Variants in SEPTIN5 observed in about 807,000 individuals in gnomAD.
SEPTIN5 encodes septin 5.
In SEPTIN5, 16 loss-of-function variants were observed where a neutral mutation model predicts 51.2. That is an observed-to-expected ratio of 0.31 (90% CI 0.21 to 0.47). The LOEUF is 0.47. SEPTIN5 is among the 20% of genes least tolerant of loss of function. SEPTIN5 has a pLI of 0.99. For synonymous variants in SEPTIN5, 208 were observed against 191.2 expected, an observed-to-expected ratio of 1.09 and a Z score of -0.72; for missense variants, 376 against 500.3, an observed-to-expected ratio of 0.75 and a Z score of 2.37.
At chr22:19,719,783 T>C in intron 3 of SEPTIN5, 23 bp from the exon 4 acceptor site, 3 of 1,612,720 alleles carry the variant, frequency 1.9e-6, no homozygotes, top group Non-Finnish European at 1.7e-6. Context: ...CTAACGCAGC[T>C]CCTTCTCTGT....
In SEPTIN5 at chr22:19,714,661, G is replaced by GTGCC. The variant is rs1390707043; in HGVS notation, c.43+30_43+31insTGCC. On this transcript the variant is annotated intron_variant, in intron 1 of 11. Transcript: ENST00000455784. The surrounding 1 kb of genome is among the most constrained non-coding windows in gnomAD (Gnocchi z 5.2). ...GCCCAGCGCCTGCCCGCGTGCCCGC[G>GTGCC]CGCGCCTTTGTCCCCGCCGCCCGCG... The GTGCC allele has an allele frequency of 2.5e-5, 38 of 1,512,276 alleles. No individual in the cohort carries two copies. In the Admixed American group the frequency reaches 3.5e-4, roughly 14 times the overall value. 93.7% of individuals were successfully genotyped at this position (1,512,276 alleles called of 1,614,324 possible). A position where few individuals can be genotyped will look rare whatever the true frequency, so the allele number is the denominator to read the frequency against.
At chr22:19,720,020 C>G (rs1161620438) in intron 4 of SEPTIN5, 95 bp from the exon 5 acceptor site, 3 of 1,604,332 alleles carry the variant, frequency 1.9e-6, no homozygotes, top group Middle Eastern at 2.0e-4. Flanking sequence ...GGGGGTAGGG[C>G]CAAGGCACCA....
intron 11 of SEPTIN5, 24 bp from the exon 12 acceptor site, chr22:19,722,404 C>A (rs1232768293): frequency 6.3e-7 from 1 of 1,595,384 alleles, no homozygotes; most frequent in South Asian, 1.1e-5. Context: ...TGCTGCTCAC[C>A]CGCCGGGTTG....
At chr22:19,719,947 C>G (rs1568996715) in intron 4 of SEPTIN5, 55 bp downstream of exon 4, 1 of 1,599,242 alleles carries the variant, frequency 6.3e-7, no homozygotes, top group East Asian at 2.2e-5. Context: ...TCCATGGGAC[C>G]TCTCCAAGGA....
In SEPTIN5 at chr22:19,714,755, A is replaced by C. The variant is rs778591555; in HGVS notation, c.44-26A>C. 11 of 1,524,694 alleles carry C rather than the reference A, an allele frequency of 7.2e-6. No individual in the cohort carries two copies. The highest frequency in any genetic ancestry group is 1.8e-4 in the Middle Eastern group (1 of 5,412). 94.4% of individuals were successfully genotyped at this position (1,524,694 alleles called of 1,614,324 possible). A position where few individuals can be genotyped will look rare whatever the true frequency, so the allele number is the denominator to read the frequency against. On this transcript the variant is annotated intron_variant, in intron 1 of 11. Coordinates refer to ENST00000455784, the MANE Select transcript of SEPTIN5 (RefSeq NM_002688.6). The surrounding 1 kb of genome is among the most constrained non-coding windows in gnomAD (Gnocchi z 5.2). ...CGGACCCGCTCGGAACCGGACCCGG[A>C]CTCGACCCCGACCCCGACCCCGCAG...
intron 8 of SEPTIN5, 24 bp downstream of exon 8, chr22:19,720,893 AG>A: frequency 1.9e-6 from 3 of 1,596,812 alleles, no homozygotes; most frequent in Non-Finnish European, 2.6e-6. Flanking sequence ...CTGGTGGGGC[AG>A]GGGGGATGGA....
intron 8 of SEPTIN5, 57 bp from the exon 9 acceptor site, chr22:19,721,583 T>A: frequency 6.3e-7 from 1 of 1,577,786 alleles, no homozygotes; most frequent in Non-Finnish European, 8.7e-7. Context: ...CCGTTTCCCA[T>A]CAGTAACCGT....
chr22:19,718,653 C>A, intron 2 of SEPTIN5: 2 of 1,286,454 alleles, frequency 1.6e-6, no homozygotes, highest in Non-Finnish European at 9.8e-7. Flanking sequence ...AGAGCCGCGC[C>A]AAGGTCCCTC....
chr22:19,714,772 AC>A lies in SEPTIN5; in HGVS notation c.44-5del. 1.3e-6 allele frequency: 2 copies of A among 1,561,300 alleles called. No homozygotes were observed. Among genetic ancestry groups the A allele is most frequent in the South Asian group, 1.1e-5 (1 of 89,274 alleles). ...GGACCCGGACTCGACCCCGACCCCG[AC>A]CCCGCAGAGGACAAGCAGGTACGTG... On this transcript the variant is annotated splice_polypyrimidine_tract_variant and splice_region_variant and intron_variant, in intron 1 of 11. Coordinates refer to ENST00000455784, the MANE Select transcript of SEPTIN5 (RefSeq NM_002688.6). The surrounding 1 kb of genome is among the most constrained non-coding windows in gnomAD (Gnocchi z 5.2).
chr22:19,722,574 C>T lies in SEPTIN5; in HGVS notation c.*90C>T. The T allele has an allele frequency of 7.4e-7, 1 of 1,345,842 alleles. No individual in the cohort carries two copies. The highest frequency in any genetic ancestry group is 1.3e-5 in the South Asian group (1 of 79,084). The allele number at this position is 1,345,842 out of a possible 1,614,324, so 83.4% of individuals were successfully genotyped here. On this transcript the variant is annotated 3_prime_UTR_variant, in exon 12 of 12. Coordinates refer to ENST00000455784, the MANE Select transcript of SEPTIN5 (RefSeq NM_002688.6). ...TGTTCCCGACCCGGAGACGCGGGGC[C>T]ACAGCCCCCAGCTGACCCTAATTTA...
At chr22:19,718,272 A>T in intron 2 of SEPTIN5, 1 of 417,632 alleles carries the variant, frequency 2.4e-6, no homozygotes, top group Non-Finnish European at 3.2e-6. Flanking sequence ...GGGGCGCGGC[A>T]GGGCTCCCGG....
In SEPTIN5 at chr22:19,714,764, C is replaced by T. The variant is rs376149314; in HGVS notation, c.44-17C>T. On this transcript the variant is annotated splice_polypyrimidine_tract_variant and intron_variant, in intron 1 of 11. Transcript: ENST00000455784. The surrounding 1 kb of genome is among the most constrained non-coding windows in gnomAD (Gnocchi z 5.2). ...TCGGAACCGGACCCGGACTCGACCC[C>T]GACCCCGACCCCGCAGAGGACAAGC... 6.3e-7 allele frequency: 1 copy of T among 1,593,674 alleles called. No homozygotes were observed. The highest frequency in any genetic ancestry group is 8.5e-7 in the Non-Finnish European group (1 of 1,176,136).
At chr22:19,717,220 G>A (rs565887455) in intron 2 of SEPTIN5, 7 of 455,686 alleles carry the variant, frequency 1.5e-5, no homozygotes, top group South Asian at 4.7e-5. Flanking sequence ...AGCTTCTAAT[G>A]TTCTAATGTG....
chr22:19,715,559 G>A (rs1055180351), intron 2 of SEPTIN5, among the ~76,000 whole-genome samples: 4 of 152,220 alleles, frequency 2.6e-5, no homozygotes, highest in Non-Finnish European at 5.9e-5. Context: ...AAAGCCTGCT[G>A]GTGTCCTCTC....
In SEPTIN5 at chr22:19,720,449, G is replaced by T. The variant is rs1254217416; in HGVS notation, c.492G>T (p.Gly164=). ...HCCLYFISPF[G]HGLRPVDVGF... is the part of the protein sequence containing the mutation. ...GCCTATACTTCATCTCCCCCTTCGG[G>T]CATGGGTGTGTGGCTGTCCTGGGGC... The change falls in exon 6 of 12, where the codon GGG becomes GGT. Residue 164 remains glycine, a synonymous_variant. Coordinates refer to ENST00000455784, the MANE Select transcript of SEPTIN5 (RefSeq NM_002688.6). The T allele has an allele frequency of 6.8e-6, 11 of 1,613,752 alleles. No individual in the cohort carries two copies. Among genetic ancestry groups the T allele is most frequent in the Admixed American group, 1.7e-5 (1 of 60,022 alleles).
At position 19,719,407 on chromosome 22, in the gene SEPTIN5, C is replaced by T. The variant is rs1935978820; in HGVS notation, c.55-195C>T. The T allele has an allele frequency of 5.2e-6, 3 of 573,168 alleles. No individual in the cohort carries two copies. In the African/African-American group the frequency reaches 5.6e-5, roughly 11 times the overall value. The allele number at this position is 573,168 out of a possible 1,614,324, so 35.5% of individuals were successfully genotyped here. ...CTGGGATTGGGGCCAGGGGTGCCTT[C>T]TCCTGCCACCACCTCGCCTGCCTTC... On this transcript the variant is annotated intron_variant, in intron 2 of 11. Coordinates refer to ENST00000455784, the MANE Select transcript of SEPTIN5 (RefSeq NM_002688.6).
chr22:19,722,150 A>G, intron 10 of SEPTIN5, 87 bp from the exon 11 acceptor site: 1 of 1,207,310 alleles, frequency 8.3e-7, no homozygotes, highest in Non-Finnish European at 1.1e-6. Flanking sequence ...GGGCCTCAGC[A>G]GTGGCGGGGA....
At position 19,719,596 on chromosome 22, in the gene SEPTIN5, C is replaced by T. The variant is rs751592507; in HGVS notation, c.55-6C>T. 7 of 1,610,684 alleles carry T rather than the reference C, an allele frequency of 4.3e-6. No homozygotes were observed. Among genetic ancestry groups the T allele is most frequent in the East Asian group, 2.2e-5 (1 of 44,834 alleles). On this transcript the variant is annotated splice_region_variant and splice_polypyrimidine_tract_variant and intron_variant, in intron 2 of 11. Coordinates refer to ENST00000455784, the MANE Select transcript of SEPTIN5 (RefSeq NM_002688.6). Reference sequence around the variant, plus strand: ...GTGTCCCTACCCTGTTCCATCCTGTCCCCAGGACATTGACAAGCAGTACGT... The same window carrying T: ...GTGTCCCTACCCTGTTCCATCCTGTTCCCAGGACATTGACAAGCAGTACGT...
chr22:19,722,492 C>G lies in SEPTIN5; in HGVS notation c.*8C>G. ...CAGATGCAGGACCAGTGACGCTCGC[C>G]GCGGACACACCGTCCGTCTCCGGGA... On this transcript the variant is annotated 3_prime_UTR_variant, in exon 12 of 12. Transcript: ENST00000455784. The G allele has an allele frequency of 6.3e-7, 1 of 1,588,878 alleles. No homozygotes were observed. Among genetic ancestry groups the G allele is most frequent in the Non-Finnish European group, 8.6e-7 (1 of 1,167,908 alleles).
Sources: allele counts gnomAD v4.1 joint callset (sites outside exome capture counted in the v4.1 genomes callset), GRCh38; gene constraint gnomAD v4.1.1; non-coding constraint Gnocchi (gnomAD v3.1); transcripts MANE v1.5; gene names NCBI Gene and HGNC (gene_info 2026-07-23, HGNC 2026-07-21).